PLA2G4A: variants seen among roughly 807,000 people sequenced by gnomAD.
PLA2G4A encodes the protein cytosolic phospholipase A2.
PLA2G4A carries 40 observed loss-of-function variants against 81.9 expected under a neutral mutation model. That is an observed-to-expected ratio of 0.49 (90% CI 0.38 to 0.64). The LOEUF is 0.64. Among genes scored for constraint, PLA2G4A ranks in the 30% least tolerant of loss-of-function variants. The pLI, the probability that PLA2G4A is intolerant of heterozygous loss-of-function variation, is 0.00. For synonymous variants in PLA2G4A, 302 were observed against 296.9 expected (o/e 1.02, Z -0.18); for missense variants, 715 against 905.1 (o/e 0.79, Z 2.69).
intron 7 of PLA2G4A, among the ~76,000 whole-genome samples, chr1:186,930,773 G>C (rs890711032): frequency 6.6e-6 from 1 of 151,944 alleles, no homozygotes; most frequent in African/African-American, 2.4e-5. Context: ...AATGCCCTTC[G>C]TAATCCTATT....
At chr1:186,874,904 A>C (rs1653412181) in intron 3 of PLA2G4A, among the ~76,000 whole-genome samples, 1 of 152,208 alleles carries the variant, frequency 6.6e-6, no homozygotes, top group Non-Finnish European at 1.5e-5. Context: ...GTTTCTGATA[A>C]CTTCCTGGCA....
intron 7 of PLA2G4A, among the ~76,000 whole-genome samples, chr1:186,916,718 G>A (rs751070174): frequency 2.0e-4 from 31 of 152,106 alleles, no homozygotes; most frequent in African/African-American, 7.5e-4. Context: ...TACCTGTACT[G>A]AGTGTCATTA....
Position 186,947,855 on chromosome 1 carries a change from C to T in PLA2G4A, c.1264+894C>T, listed in dbSNP as rs12720631. Among the ~76,000 whole-genome samples the T allele has an allele frequency of 4.4e-3, 675 of 152,144 alleles. 3 individuals carry two copies. Among genetic ancestry groups the T allele is most frequent in the Non-Finnish European group, 5.8e-3 (395 of 67,980 alleles). On this transcript the variant is annotated intron_variant, in intron 12 of 17. Transcript: ENST00000367466. The stretch of plus-strand genomic sequence containing the variant: ...AAGATCTATCTGAGAACAAAGAAGT[C>T]GACAGAATAACATTGATGACTTTTT...
chr1:186,917,077 G>T (rs533498158), intron 7 of PLA2G4A, among the ~76,000 whole-genome samples: 19 of 148,476 alleles, frequency 1.3e-4, no homozygotes, highest in African/African-American at 4.7e-4. Flanking sequence ...GGTGGATCCA[G>T]GGTGGGATTC....
chr1:186,914,500 T>G (rs1256910609), intron 7 of PLA2G4A, among the ~76,000 whole-genome samples: 2 of 149,752 alleles, frequency 1.3e-5, no homozygotes, highest in East Asian at 2.0e-4. Context: ...GTAATTCCTA[T>G]CCCTTTTAAG....
intron 17 of PLA2G4A, among the ~76,000 whole-genome samples, chr1:186,979,779 AAAAGGAAATATGAGT>A (rs1470138963): frequency 1.3e-3 from 205 of 152,264 alleles, no homozygotes; most frequent in African/African-American, 4.5e-3. Context: ...AAAAGTGATG[AAAAGGAAATATGAGT>A]AAAGGAAATA....
intron 1 of PLA2G4A, among the ~76,000 whole-genome samples, chr1:186,834,876 G>C (rs986396240): frequency 6.6e-6 from 1 of 152,016 alleles, no homozygotes; most frequent in Admixed American, 6.5e-5. Context: ...TTGGCATAAA[G>C]CATTTGTATC....
At chr1:186,948,527 AAAAG>A (rs1019505094) in intron 12 of PLA2G4A, among the ~76,000 whole-genome samples, 7 of 151,946 alleles carry the variant, frequency 4.6e-5, no homozygotes, top group African/African-American at 1.4e-4. Context: ...AAAAAAAAAA[AAAAG>A]AAGAAGAAAG....
chr1:186,965,094 T>C (rs1489532112), intron 14 of PLA2G4A, among the ~76,000 whole-genome samples: 1 of 152,234 alleles, frequency 6.6e-6, no homozygotes, highest in Non-Finnish European at 1.5e-5. Context: ...TGTAAGATAA[T>C]ACTATTGAAG....
intron 5 of PLA2G4A, among the ~76,000 whole-genome samples, chr1:186,899,264 C>T (rs1212214692): frequency 2.0e-5 from 3 of 152,008 alleles, no homozygotes; most frequent in African/African-American, 7.2e-5. Flanking sequence ...GTTGGCCTGG[C>T]AAGATGAGTA....
intron 14 of PLA2G4A, among the ~76,000 whole-genome samples, chr1:186,964,171 C>T (rs2102273969): frequency 6.6e-6 from 1 of 152,300 alleles, no homozygotes; most frequent in African/African-American, 2.4e-5. Context: ...AGGCCTCCCT[C>T]TTGGGCTTTG....
intron 2 of PLA2G4A, among the ~76,000 whole-genome samples, chr1:186,857,346 AT>A (rs1652619944): frequency 4.0e-5 from 5 of 123,686 alleles, no homozygotes; most frequent in Non-Finnish European, 8.0e-5. Context: ...TATTATATAT[AT>A]TATAAATATA....
chr1:186,950,413 C>G (rs1382176362), intron 12 of PLA2G4A, among the ~76,000 whole-genome samples: 1 of 152,052 alleles, frequency 6.6e-6, no homozygotes, highest in Non-Finnish European at 1.5e-5. Context: ...AAATTATCCT[C>G]TTTAAGTCAT....
intron 7 of PLA2G4A, among the ~76,000 whole-genome samples, chr1:186,922,973 A>G (rs145237129): frequency 0.011 from 1,719 of 152,330 alleles, 25 homozygotes; most frequent in African/African-American, 0.039. Flanking sequence ...TCTATAGATA[A>G]CATAACCAAT....
chr1:186,845,393 A>G (rs1456288314), intron 1 of PLA2G4A, among the ~76,000 whole-genome samples: 2 of 151,832 alleles, frequency 1.3e-5, no homozygotes, highest in African/African-American at 4.8e-5. Flanking sequence ...TTCTTATTTC[A>G]TCCTCCCACT....
intron 2 of PLA2G4A, among the ~76,000 whole-genome samples, chr1:186,855,862 T>G (rs926574063): frequency 2.6e-5 from 4 of 152,094 alleles, no homozygotes; most frequent in Non-Finnish European, 5.9e-5. Flanking sequence ...AGATAGTCTG[T>G]GTTTGCCCCA....
At position 186,906,860 on chromosome 1, in the gene PLA2G4A, T is replaced by A; in HGVS notation, c.379-105T>A. 3 of 668,734 alleles carry A rather than the reference T, an allele frequency of 4.5e-6. No individual in the cohort carries two copies. The East Asian group carries it at 8.0e-5, about 18-fold the overall frequency. The allele number at this position is 668,734 out of a possible 1,614,324, so 41.4% of individuals were successfully genotyped here. On this transcript the variant is annotated intron_variant, in intron 5 of 17. Transcript: ENST00000367466. ...CTTTTATTTTTAGGGTTTTGTTTTT[T>A]TGATTAAAAATAATCTGGCACTCAA...
At chr1:186,903,321 C>T (rs893456082) in intron 5 of PLA2G4A, among the ~76,000 whole-genome samples, 1 of 151,942 alleles carries the variant, frequency 6.6e-6, no homozygotes, top group Non-Finnish European at 1.5e-5. Flanking sequence ...TATTGGAGTA[C>T]ATAAGGGAAG....
chr1:186,944,060 G>A (rs55819273), intron 10 of PLA2G4A, among the ~76,000 whole-genome samples: 2,237 of 152,198 alleles, frequency 0.015, 20 homozygotes, highest in Middle Eastern at 0.041. Flanking sequence ...AGGCCTAAAG[G>A]TTATCGGTGT....
Sources: allele counts gnomAD v4.1 joint callset (sites outside exome capture counted in the v4.1 genomes callset), GRCh38; gene constraint gnomAD v4.1.1; transcripts MANE v1.5; gene names NCBI Gene and HGNC (gene_info 2026-07-23, HGNC 2026-07-21).